TLE2: variants seen among roughly 807,000 people sequenced by gnomAD.
TLE2 encodes the protein TLE family member 2, transcriptional corepressor.
Under a neutral mutation model 97.2 loss-of-function variants are expected in TLE2, and 74 were observed. The observed-to-expected ratio is 0.76, with a 90% CI of 0.63 to 0.92. The LOEUF (loss-of-function observed/expected upper bound fraction) is 0.92. TLE2 is among the 40% of genes least tolerant of loss of function. The probability of loss-of-function intolerance (pLI) is 0.00; values close to 1 mark genes in which losing one functional copy is unlikely to be tolerated. For missense variants in TLE2, 1,038 were observed against 1,008.7 expected, an observed-to-expected ratio of 1.03 and a Z score of -0.39; for synonymous variants, 499 against 432.1, an observed-to-expected ratio of 1.15 and a Z score of -1.92.
chr19:2,999,035 G>A (rs368796203), intron 19 of TLE2, among the ~76,000 whole-genome samples: 38 of 152,134 alleles, frequency 2.5e-4, no homozygotes, highest in Middle Eastern at 3.4e-3. Context: ...GTGGCTCGGC[G>A]CTTCCGGAGG....
intron 19 of TLE2, among the ~76,000 whole-genome samples, chr19:3,000,264 A>T (rs2089326137): frequency 6.6e-6 from 1 of 150,588 alleles, no homozygotes; most frequent in South Asian, 2.1e-4. Flanking sequence ...TTTAGTAGAG[A>T]CGGGTTTTCA....
intron 1 of TLE2, among the ~76,000 whole-genome samples, chr19:3,044,284 C>A (rs1208530978): frequency 6.6e-6 from 1 of 152,144 alleles, no homozygotes; most frequent in Non-Finnish European, 1.5e-5. Flanking sequence ...TGGAGGATCT[C>A]GATAATCGCA....
chr19:3,028,856 C>G (rs1355738316), intron 1 of TLE2, 25 bp downstream of exon 1: 2 of 1,611,550 alleles, frequency 1.2e-6, no homozygotes, highest in Non-Finnish European at 1.7e-6. Flanking sequence ...ACACTGGGGG[C>G]CCCCTCCCCG....
upstream of TLE2, among the ~76,000 whole-genome samples, chr19:3,031,923 GTTTGTT>G (rs570583792): frequency 5.3e-5 from 8 of 152,038 alleles, no homozygotes; most frequent in Non-Finnish European, 1.0e-4. Flanking sequence ...GTGGCTTTTT[GTTTGTT>G]TTTGTTTTTG....
chr19:3,040,436 G>A lies in TLE2; in HGVS notation c.63+5290C>T, dbSNP rs557522389. On this transcript the variant is annotated intron_variant, in intron 1 of 18. Transcript: ENST00000426948. Reference sequence around the variant, plus strand: ...GTTCACTGCAACCTCCACCTCCCGGGTTCAAGTGATTCTCCTGCCTCAGCC... The same window carrying A: ...GTTCACTGCAACCTCCACCTCCCGGATTCAAGTGATTCTCCTGCCTCAGCC... 1.3e-3 allele frequency among the ~76,000 whole-genome samples: 202 copies of A among 151,850 alleles called. 1 individual carries two copies. The highest frequency in any genetic ancestry group is 2.4e-3 in the Non-Finnish European group (160 of 67,936).
At chr19:3,018,708 A>G (rs1056360616) in intron 7 of TLE2, among the ~76,000 whole-genome samples, 2 of 151,204 alleles carry the variant, frequency 1.3e-5, no homozygotes, top group South Asian at 4.2e-4. Context: ...TCCGCCTCCC[A>G]GGTTCAAGCG....
chr19:3,025,875 T>C (rs1174823668), intron 4 of TLE2, among the ~76,000 whole-genome samples: 1 of 151,858 alleles, frequency 6.6e-6, no homozygotes, highest in African/African-American at 2.4e-5. Context: ...ACAAGCCCCC[T>C]CCTGCCCACA....
In TLE2 at chr19:3,015,730, C is replaced by G. The variant is rs1447283737; in HGVS notation, c.601G>C (p.Val201Leu). Residue 201 changes from valine to leucine, a missense_variant, in exon 9 of 20, where the codon GTG (valine) becomes CTG (leucine). Coordinates refer to ENST00000262953, the MANE Select transcript of TLE2 (RefSeq NM_003260.5). ...SASPSPPESL[V>L]EEERPSGPGG... ...GGGCCACTCGGTCGCTCCTCCTCCA[C>G]GAGACTCTCAGGGGGCGAGGGAGAT... is the stretch of plus-strand genomic sequence containing the variant. 1.9e-6 allele frequency: 3 copies of G among 1,610,924 alleles called. No homozygotes were observed. Among genetic ancestry groups the G allele is most frequent in the South Asian group, 1.1e-5 (1 of 90,542 alleles).
At chr19:3,045,801 T>C, upstream of TLE2, 1 of 419,320 alleles carries the variant, frequency 2.4e-6, no homozygotes, top group South Asian at 1.6e-5. Context: ...CACTTCAGCC[T>C]GGGCAACAAG....
intron 5 of TLE2, 126 bp downstream of exon 5, chr19:3,024,894 T>A: frequency 1.3e-6 from 1 of 784,542 alleles, no homozygotes; most frequent in South Asian, 1.8e-5. Context: ...GCAGTGAAAA[T>A]GGTCTCTATC....
rs769392612 is a variant in TLE2 at position 3,013,792 on chromosome 19, C to T, written c.750G>A (p.Pro250=). ...DEDQPSEPPS[P]ATTPCGKVPI... ...GTACCTTTCCGCAGGGGGTGGTAGC[C>T]GGGCTGGGGGGCTCTGAGGGTTGGT... Residue 250 remains proline (P), a synonymous_variant, in exon 11 of 20, where the codon CCG becomes CCA. Transcript: ENST00000262953. The T allele has an allele frequency of 1.3e-5, 20 of 1,552,668 alleles. No homozygotes were observed. The East Asian group carries it at 1.5e-4, about 12-fold the overall frequency.
In TLE2 at chr19:3,027,829, C is replaced by T. The variant is rs922236228; in HGVS notation, c.231G>A (p.Gln77=). The T allele has an allele frequency of 1.2e-6, 2 of 1,611,308 alleles. No homozygotes were observed. Among genetic ancestry groups the T allele is most frequent in the African/African-American group, 2.7e-5 (2 of 74,874 alleles). ...ACACGCGTAACCCCAACCCAGTTAC[C>T]TGCTTATGCATTTCAATGTTGAGCC... The part of the protein sequence containing the change: ...SYGLNIEMHK[Q]AEIVKRLSGI... Residue 77 remains glutamine, a splice_region_variant and synonymous_variant, in exon 4 of 20, where the codon CAG becomes CAA. Transcript: ENST00000262953.
intron 3 of TLE2, 64 bp from the exon 4 acceptor site, chr19:3,027,937 G>A (rs1412137163): frequency 1.3e-6 from 2 of 1,500,864 alleles, no homozygotes; most frequent in Non-Finnish European, 1.8e-6. Flanking sequence ...CCAGATAGGT[G>A]ATGCCAGGGT....
At chr19:3,023,352 G>A (rs1199605026) in intron 5 of TLE2, among the ~76,000 whole-genome samples, 2 of 151,930 alleles carry the variant, frequency 1.3e-5, no homozygotes, top group East Asian at 3.9e-4. Flanking sequence ...AACTTCTTGC[G>A]GCTCTTGCCT....
chr19:3,010,905 C>G lies in TLE2; in HGVS notation c.1012+117G>C, dbSNP rs925775983. The G allele has an allele frequency of 2.2e-6, 3 of 1,391,258 alleles. No homozygotes were observed. In the African/African-American group the frequency reaches 4.4e-5, roughly 20 times the overall value. The allele number at this position is 1,391,258 out of a possible 1,614,324, so 86.2% of individuals were successfully genotyped here. On this transcript the variant is annotated intron_variant, in intron 12 of 19. Coordinates refer to ENST00000262953, the MANE Select transcript of TLE2 (RefSeq NM_003260.5). ...GTCTAACTTGAAGTCACAAAAAGGA[C>G]CAAGGCAATGAACACCAAGCCTGGA...
intron 5 of TLE2, chr19:3,020,140 G>T: frequency 4.5e-6 from 1 of 222,478 alleles, no homozygotes; most frequent in South Asian, 7.8e-5. Context: ...GGAGGCTGAG[G>T]CAGGAGAATC....
chr19:3,034,701 A>G (rs1039913642), intron 1 of TLE2, among the ~76,000 whole-genome samples: 7 of 151,866 alleles, frequency 4.6e-5, no homozygotes, highest in African/African-American at 1.7e-4. Flanking sequence ...ACACACACAC[A>G]CATACACACA....
At chr19:3,044,408 C>T (rs1368303047) in intron 1 of TLE2, among the ~76,000 whole-genome samples, 2 of 152,152 alleles carry the variant, frequency 1.3e-5, no homozygotes, top group Non-Finnish European at 2.9e-5. Flanking sequence ...ATCCACCCAT[C>T]TCACTGGCTT....
chr19:3,024,447 C>T (rs181245952), intron 5 of TLE2, among the ~76,000 whole-genome samples: 9 of 152,210 alleles, frequency 5.9e-5, no homozygotes, highest in Admixed American at 4.6e-4. Flanking sequence ...AAAACTCTCA[C>T]TCCCCGTCCC....
Sources: gnomAD v4.1 joint callset for allele counts (sites outside exome capture counted in the v4.1 genomes callset) on GRCh38, gnomAD v4.1.1 for gene constraint, MANE v1.5 for transcripts, NCBI Gene and HGNC (gene_info 2026-07-23, HGNC 2026-07-21) for gene names.